The following REDIC1 variants were observed in gnomAD, a reference collection of about 807,000 sequenced individuals.
The protein encoded by REDIC1 is HEI10 Interacting Protein 1.
the REDIC1 span, among the ~76,000 whole-genome samples, chr12:39,630,141 T>G: frequency 6.6e-6 from 1 of 152,206 alleles, no homozygotes; most frequent in Non-Finnish European, 1.5e-5. Context: ...GTTTTTAATT[T>G]TGAAAAGATT....
At chr12:39,865,577 G>A in the REDIC1 span, among the ~76,000 whole-genome samples, 1 of 152,228 alleles carries the variant, frequency 6.6e-6, no homozygotes, top group South Asian at 2.1e-4. Context: ...ACATCCTAAT[G>A]GCAAATAAGA....
At chr12:39,699,969 T>C in the REDIC1 span, among the ~76,000 whole-genome samples, 1 of 151,616 alleles carries the variant, frequency 6.6e-6, no homozygotes, top group Admixed American at 6.6e-5. Flanking sequence ...CAAAAGTAGA[T>C]AAAACCACAA....
the REDIC1 span, among the ~76,000 whole-genome samples, chr12:39,711,164 A>G: frequency 1.3e-5 from 2 of 151,136 alleles, no homozygotes; most frequent in Non-Finnish European, 3.0e-5. Flanking sequence ...TTCCTGAGTT[A>G]TTTCACTTAG....
the REDIC1 span, among the ~76,000 whole-genome samples, chr12:39,722,311 G>A: frequency 6.6e-6 from 1 of 152,056 alleles, no homozygotes; most frequent in African/African-American, 2.4e-5. Context: ...ATCTTACAGA[G>A]CACAATAAGC....
the REDIC1 span, among the ~76,000 whole-genome samples, chr12:39,843,764 G>A: frequency 6.6e-6 from 1 of 152,144 alleles, no homozygotes; most frequent in South Asian, 2.1e-4. Context: ...TGAGATATAA[G>A]CAGAGTTGTT....
the REDIC1 span, among the ~76,000 whole-genome samples, chr12:39,682,458 G>A: frequency 2.0e-5 from 3 of 152,102 alleles, no homozygotes; most frequent in Non-Finnish European, 1.5e-5. Context: ...TTCACCCAAA[G>A]CAATATTATT....
chr12:39,899,198 G>C, the REDIC1 span, among the ~76,000 whole-genome samples: 2 of 152,216 alleles, frequency 1.3e-5, no homozygotes, highest in Non-Finnish European at 2.9e-5. Flanking sequence ...CTTCTTCCTG[G>C]TTTAGTCTTG....
At chr12:39,712,726 T>TATATATGTATATAGACGTGTACAC in the REDIC1 span, among the ~76,000 whole-genome samples, 1 of 115,950 alleles carries the variant, frequency 8.6e-6, no homozygotes, top group African/African-American at 5.7e-5. Context: ...CGTATACGTG[T>TATATATGTATATAGACGTGTACAC]ATATATGTAT....
the REDIC1 span, among the ~76,000 whole-genome samples, chr12:39,711,877 ATGCATG>A: frequency 1.7e-5 from 2 of 119,966 alleles, no homozygotes; most frequent in African/African-American, 7.6e-5. Context: ...ACGTATACAC[ATGCATG>A]TGTATGTGTA....
At chr12:39,890,243 T>C in the REDIC1 span, among the ~76,000 whole-genome samples, 1 of 152,158 alleles carries the variant, frequency 6.6e-6, no homozygotes, top group Non-Finnish European at 1.5e-5. Context: ...CTTAAAGAAA[T>C]AGAGATATGA....
At chr12:39,655,979 G>GTT in the REDIC1 span, among the ~76,000 whole-genome samples, 7 of 149,336 alleles carry the variant, frequency 4.7e-5, no homozygotes, top group African/African-American at 1.7e-4. Context: ...CCCACATCAG[G>GTT]TTTTTTTTTT....
the REDIC1 span, chr12:39,646,799 T>C: frequency 7.5e-6 from 10 of 1,340,146 alleles, no homozygotes; most frequent in Non-Finnish European, 9.4e-6. Context: ...GTCGATTTTA[T>C]TTCAATTTAT....
the REDIC1 span, among the ~76,000 whole-genome samples, chr12:39,730,579 C>G: frequency 6.6e-6 from 1 of 152,156 alleles, no homozygotes; most frequent in Non-Finnish European, 1.5e-5. Context: ...TTCTCTCTGG[C>G]TACCCTTAAC....
At chr12:39,661,416 AT>A in the REDIC1 span, among the ~76,000 whole-genome samples, 3 of 150,690 alleles carry the variant, frequency 2.0e-5, no homozygotes, top group Non-Finnish European at 3.0e-5. Flanking sequence ...GACGTTGAGC[AT>A]TTTTTTTTAA....
chr12:39,698,945 A>G, the REDIC1 span, among the ~76,000 whole-genome samples: 1 of 152,338 alleles, frequency 6.6e-6, no homozygotes, highest in Admixed American at 6.5e-5. Flanking sequence ...AACGGCAAGA[A>G]CAAACCAAAC....
At chr12:39,729,340 G>T in the REDIC1 span, among the ~76,000 whole-genome samples, 2 of 152,206 alleles carry the variant, frequency 1.3e-5, no homozygotes, top group Admixed American at 6.5e-5. Context: ...CTGTGTCCCA[G>T]AGATTCTGAT....
the REDIC1 span, among the ~76,000 whole-genome samples, chr12:39,842,873 T>C: frequency 2.0e-5 from 3 of 152,032 alleles, no homozygotes; most frequent in African/African-American, 7.2e-5. Context: ...TACAATGTGC[T>C]CTGTTGTTTC....
the REDIC1 span, among the ~76,000 whole-genome samples, chr12:39,826,252 G>C: frequency 6.6e-6 from 1 of 151,560 alleles, no homozygotes; most frequent in African/African-American, 2.4e-5. Flanking sequence ...GTCTCTGCTT[G>C]TTTTTGTTTT....
chr12:39,702,094 C>A, the REDIC1 span, among the ~76,000 whole-genome samples: 1 of 151,866 alleles, frequency 6.6e-6, no homozygotes, highest in African/African-American at 2.4e-5. Flanking sequence ...AAAATCAGAG[C>A]AGAACTGAAG....
Sources: allele counts gnomAD v4.1 joint callset (sites outside exome capture counted in the v4.1 genomes callset), GRCh38; gene constraint gnomAD v4.1.1; transcripts MANE v1.5; gene names NCBI Gene and HGNC (gene_info 2026-07-23, HGNC 2026-07-21).